The following DGKB variants were observed in gnomAD, a reference collection of about 807,000 sequenced individuals.
The protein encoded by DGKB is 90 kDa diacylglycerol kinase.
Under a neutral mutation model 114.3 loss-of-function variants are expected in DGKB, and 67 were observed. That is an observed-to-expected ratio of 0.59 (90% CI 0.48 to 0.72). DGKB has a LOEUF of 0.72. DGKB is among the 30% of genes least tolerant of loss of function. DGKB has a pLI of 0.00. For synonymous variants in DGKB, 398 were observed against 323.1 expected, an observed-to-expected ratio of 1.23 and a Z score of -2.49; for missense variants, 907 against 975.2, an observed-to-expected ratio of 0.93 and a Z score of 0.93.
chr7:14,391,480 C>A (rs1194722032), intron 21 of DGKB, among the ~76,000 whole-genome samples: 1 of 149,902 alleles, frequency 6.7e-6, no homozygotes, highest in Non-Finnish European at 1.5e-5. Context: ...CCAGGCAAGA[C>A]CAGCCTAAGC....
intron 20 of DGKB, among the ~76,000 whole-genome samples, chr7:14,548,264 C>A (rs10499450): frequency 0.064 from 9,805 of 152,252 alleles, 571 homozygotes; most frequent in East Asian, 0.32. Context: ...TACATTCCTT[C>A]ACCTGGAGGA....
At chr7:14,605,657 A>G (rs557361840) in intron 17 of DGKB, among the ~76,000 whole-genome samples, 21 of 152,042 alleles carry the variant, frequency 1.4e-4, no homozygotes, top group Non-Finnish European at 2.1e-4. Context: ...AAAGAGTAGA[A>G]GGAAACATGT....
chr7:14,775,163 G>A (rs1837968121), intron 2 of DGKB, among the ~76,000 whole-genome samples: 1 of 151,642 alleles, frequency 6.6e-6, no homozygotes, highest in African/African-American at 2.4e-5. Flanking sequence ...GGGATTACAT[G>A]GCATTTTGAA....
Position 14,736,557 on chromosome 7 carries a change from G to A in DGKB, c.169-363C>T, listed in dbSNP as rs148216837. Among the ~76,000 whole-genome samples the A allele has an allele frequency of 5.1e-4, 78 of 152,230 alleles. 1 individual carries two copies. In the East Asian group the frequency reaches 0.012, roughly 24 times the overall value. On this transcript the variant is annotated intron_variant, in intron 4 of 25. Transcript: ENST00000402815. ...AGTTGTTGCAGTGATTAAATCAGGC[G>A]ATCACTGTGAACAAGCCAATACAGA...
intron 2 of DGKB, among the ~76,000 whole-genome samples, chr7:14,811,084 T>C (rs1350605133): frequency 6.6e-6 from 1 of 152,174 alleles, no homozygotes; most frequent in Non-Finnish European, 1.5e-5. Context: ...AGCTTGAAGA[T>C]TATTAAAATG....
chr7:14,505,342 T>A (rs1481218927), intron 20 of DGKB, among the ~76,000 whole-genome samples: 6 of 151,574 alleles, frequency 4.0e-5, no homozygotes, highest in Non-Finnish European at 8.8e-5. Flanking sequence ...TAATCCCAGC[T>A]ACTCAGGAGG....
intron 23 of DGKB, among the ~76,000 whole-genome samples, chr7:14,295,125 G>A (rs988534633): frequency 7.2e-5 from 11 of 152,052 alleles, no homozygotes; most frequent in African/African-American, 2.7e-4. Flanking sequence ...ATGTAGACTG[G>A]TTTCTGGCAC....
intron 25 of DGKB, among the ~76,000 whole-genome samples, chr7:14,169,245 G>C (rs1376107515): frequency 6.6e-6 from 1 of 151,050 alleles, no homozygotes; most frequent in African/African-American, 2.4e-5. Context: ...GGCGCCTGTA[G>C]TCCCAGCTAC....
chr7:14,666,261 T>C (rs1818002000), intron 13 of DGKB, among the ~76,000 whole-genome samples: 1 of 152,020 alleles, frequency 6.6e-6, no homozygotes, highest in African/African-American at 2.4e-5. Flanking sequence ...TTTTATATGA[T>C]TAATTTTTAA....
intron 9 of DGKB, among the ~76,000 whole-genome samples, chr7:14,689,355 T>G (rs930676264): frequency 1.3e-5 from 2 of 151,764 alleles, no homozygotes; most frequent in East Asian, 1.9e-4. Context: ...TTTTGTATTT[T>G]TAGTAGAGAC....
intron 20 of DGKB, among the ~76,000 whole-genome samples, chr7:14,497,383 A>G (rs111525238): frequency 0.024 from 3,688 of 151,966 alleles, 76 homozygotes; most frequent in Non-Finnish European, 0.036. Flanking sequence ...TAAAAAAAGA[A>G]AAGTGAACAT....
chr7:14,205,317 T>C (rs1481015661), intron 23 of DGKB, among the ~76,000 whole-genome samples: 6 of 152,036 alleles, frequency 3.9e-5, no homozygotes, highest in African/African-American at 1.4e-4. Flanking sequence ...GCTATGGTTC[T>C]ACATTGTTCT....
intron 12 of DGKB, among the ~76,000 whole-genome samples, chr7:14,678,960 G>T (rs1335434444): frequency 6.6e-6 from 1 of 152,034 alleles, no homozygotes; most frequent in Non-Finnish European, 1.5e-5. Context: ...CCAGTGACTG[G>T]AAGCATGACA....
At chr7:14,488,279 C>T (rs766309745) in intron 20 of DGKB, among the ~76,000 whole-genome samples, 10 of 152,062 alleles carry the variant, frequency 6.6e-5, no homozygotes, top group South Asian at 2.1e-4. Context: ...CTCTTTCCTG[C>T]GTACAATATG....
intron 21 of DGKB, among the ~76,000 whole-genome samples, chr7:14,433,461 T>C (rs141584758): frequency 2.0e-5 from 3 of 152,228 alleles, no homozygotes; most frequent in African/African-American, 7.2e-5. Flanking sequence ...GCTGTGTTAC[T>C]TTGGGGTTTA....
At chr7:14,294,694 A>C (rs1330044496) in intron 23 of DGKB, among the ~76,000 whole-genome samples, 4 of 152,204 alleles carry the variant, frequency 2.6e-5, no homozygotes, top group Non-Finnish European at 1.5e-5. Context: ...GAACTTCCTC[A>C]AAAACAGTTA....
intron 20 of DGKB, among the ~76,000 whole-genome samples, chr7:14,514,700 G>A (rs551302098): frequency 6.6e-6 from 1 of 152,188 alleles, no homozygotes; most frequent in East Asian, 1.9e-4. Flanking sequence ...GTAATAAAAT[G>A]AATGTTCTCA....
chr7:14,927,988 T>C (rs1490988172), intron 1 of DGKB, among the ~76,000 whole-genome samples: 1 of 151,936 alleles, frequency 6.6e-6, no homozygotes, highest in Non-Finnish European at 1.5e-5. Flanking sequence ...AGATAGTTAC[T>C]ACAAATGTAC....
chr7:14,332,371 C>T (rs1809883982), intron 23 of DGKB, among the ~76,000 whole-genome samples: 1 of 151,920 alleles, frequency 6.6e-6, no homozygotes, highest in Non-Finnish European at 1.5e-5. Flanking sequence ...CCAAGAACCA[C>T]GAACACTATG....
Sources: allele counts gnomAD v4.1 joint callset (sites outside exome capture counted in the v4.1 genomes callset), GRCh38; gene constraint gnomAD v4.1.1; transcripts MANE v1.5; gene names NCBI Gene and HGNC (gene_info 2026-07-23, HGNC 2026-07-21).